ZNF366: variants seen among roughly 807,000 people sequenced by gnomAD.
The protein encoded by ZNF366 is dendritic cell-specific transcript protein.
A neutral mutation model predicts 47.2 loss-of-function variants in ZNF366; 20 were observed. The ratio of observed to expected loss-of-function variants is 0.42; its 90% confidence interval spans 0.30 to 0.62. The LOEUF (loss-of-function observed/expected upper bound fraction) is 0.62, where lower values mean the gene tolerates loss of function less well. Ranked by LOEUF, ZNF366 falls within the 20% of genes least tolerant of loss-of-function variation. The pLI is 0.16. For synonymous variants in ZNF366, 421 were observed against 395.1 expected (o/e 1.07, Z -0.78); for missense variants, 987 against 976.3 (o/e 1.01, Z -0.15).
At chr5:72,475,231 G>A (rs553020484) in intron 1 of ZNF366, among the ~76,000 whole-genome samples, 3 of 152,302 alleles carry the variant, frequency 2.0e-5, no homozygotes, top group Non-Finnish European at 2.9e-5. Context: ...GGACCCAAAA[G>A]TGAGCAGAAA....
In ZNF366 at chr5:72,499,479, C is replaced by CTTTT. The variant is rs894702691; in HGVS notation, c.-15+7768_-15+7771dup. On this transcript the variant is annotated intron_variant, in intron 1 of 4. Transcript: ENST00000318442. ...AATTCTAGCACTTCAGGAATCCTGC[C>CTTTT]TTTTTTTTTTTTTTTTTTTTTTTGA... Among the ~76,000 whole-genome samples the CTTTT allele has an allele frequency of 1.2e-3, 130 of 112,180 alleles. 2 individuals carry two copies. The highest frequency in any genetic ancestry group is 3.8e-3 in the African/African-American group (107 of 28,064). 73.6% of individuals were successfully genotyped at this position (112,180 alleles called of 152,430 possible).
At chr5:72,486,582 A>G (rs1743895801) in intron 1 of ZNF366, among the ~76,000 whole-genome samples, 1 of 152,182 alleles carries the variant, frequency 6.6e-6, no homozygotes, top group African/African-American at 2.4e-5. Flanking sequence ...CTGATCCAAA[A>G]CAGTAGCCAA....
intron 1 of ZNF366, chr5:72,493,715 A>G (rs1744056734): frequency 6.6e-6 from 1 of 152,160 alleles, no homozygotes; most frequent in Admixed American, 6.6e-5. Context: ...TTAGAAAAAT[A>G]CAAAATAAAA....
intron 1 of ZNF366, among the ~76,000 whole-genome samples, chr5:72,487,477 C>A (rs1267723080): frequency 6.6e-6 from 1 of 152,174 alleles, no homozygotes; most frequent in Non-Finnish European, 1.5e-5. Flanking sequence ...TTTCCATATG[C>A]CTTTTAAGGC....
At chr5:72,447,586 G>A (rs970748160) in intron 3 of ZNF366, among the ~76,000 whole-genome samples, 169 bp from the exon 4 acceptor site, 1 of 152,254 alleles carries the variant, frequency 6.6e-6, no homozygotes, top group Admixed American at 6.5e-5. Flanking sequence ...GGTGGAGCAA[G>A]TAGGGGTAGA....
chr5:72,459,357 G>A (rs1235792142), intron 2 of ZNF366, among the ~76,000 whole-genome samples: 1 of 152,126 alleles, frequency 6.6e-6, no homozygotes, highest in South Asian at 2.1e-4. Flanking sequence ...ACTCCCTCTC[G>A]GAGGCTCAGA....
chr5:72,472,776 A>G (rs1235442296), intron 1 of ZNF366, among the ~76,000 whole-genome samples: 1 of 152,132 alleles, frequency 6.6e-6, no homozygotes, highest in East Asian at 1.9e-4. Context: ...GATTTTGGCA[A>G]TGTAAAGTCC....
chr5:72,491,766 G>C (rs1744014986), intron 1 of ZNF366, among the ~76,000 whole-genome samples: 1 of 152,154 alleles, frequency 6.6e-6, no homozygotes, highest in African/African-American at 2.4e-5. Context: ...ACAAGATTAG[G>C]GCTGGGGATC....
Position 72,442,163 on chromosome 5 carries a change from A to G in ZNF366, c.*1593T>C, listed in dbSNP as rs1742866158. The G allele has an allele frequency of 6.6e-6, 1 of 152,250 alleles. No individual in the cohort carries two copies. The highest frequency in any genetic ancestry group is 2.4e-5 in the African/African-American group (1 of 41,464). 9.4% of individuals were successfully genotyped at this position (152,250 alleles called of 1,614,324 possible). On this transcript the variant is annotated 3_prime_UTR_variant, in exon 5 of 5. Transcript: ENST00000318442. ...GTCCGCTCATAAGGCTCTTACAGAC[A>G]GGTAAGAAAGCCTAAGTCAGCAGTA...
chr5:72,460,342 G>C lies in ZNF366; in HGVS notation c.1155C>G (p.Thr385=). The change falls in exon 2 of 5, where the codon ACC becomes ACG. Residue 385 remains threonine, a synonymous_variant. Transcript: ENST00000318442. The part of the protein sequence containing the change: ...PTLAQLKRHL[T]THRGPIQYNC... ...TGTACTGGATGGGGCCCCGGTGCGT[G>C]GTGAGGTGTCTCTTCAGCTGGGCCA... 1 of 1,614,262 alleles carries C rather than the reference G, an allele frequency of 6.2e-7. No homozygotes were observed. The highest frequency in any genetic ancestry group is 8.5e-7 in the Non-Finnish European group (1 of 1,180,052).
chr5:72,469,436 A>G (rs1230693109), intron 1 of ZNF366, among the ~76,000 whole-genome samples: 5 of 152,254 alleles, frequency 3.3e-5, no homozygotes, highest in Non-Finnish European at 7.3e-5. Flanking sequence ...TTTAGAAAAC[A>G]TCTAGCAATA....
chr5:72,507,188 C>A, intron 1 of ZNF366, 63 bp downstream of exon 1: 1 of 982,984 alleles, frequency 1.0e-6, no homozygotes, highest in Non-Finnish European at 1.2e-6. Flanking sequence ...TTGAAGATGC[C>A]CACAGCAGTA....
intron 1 of ZNF366, among the ~76,000 whole-genome samples, chr5:72,481,424 C>A (rs1743788077): frequency 6.6e-6 from 1 of 151,966 alleles, no homozygotes; most frequent in South Asian, 2.1e-4. Context: ...AATATATTTT[C>A]TTTTACAGCA....
chr5:72,500,540 A>G (rs1744195208), intron 1 of ZNF366, among the ~76,000 whole-genome samples: 1 of 152,176 alleles, frequency 6.6e-6, no homozygotes, highest in African/African-American at 2.4e-5. Context: ...ATATGGAGTT[A>G]ACTTCATGGG....
At chr5:72,470,232 A>C (rs530367661) in intron 1 of ZNF366, among the ~76,000 whole-genome samples, 5 of 152,286 alleles carry the variant, frequency 3.3e-5, no homozygotes, top group Non-Finnish European at 7.3e-5. Context: ...TTATTATAAT[A>C]ATCTCCACAC....
chr5:72,460,114 C>A, intron 2 of ZNF366, 51 bp downstream of exon 2: 1 of 1,581,010 alleles, frequency 6.3e-7, no homozygotes, highest in Non-Finnish European at 8.6e-7. Flanking sequence ...TGCTCAGGGC[C>A]CCGCTCCTCT....
At chr5:72,460,140 C>A (rs760608196) in intron 2 of ZNF366, 25 bp downstream of exon 2, 1 of 1,606,594 alleles carries the variant, frequency 6.2e-7, no homozygotes. Context: ...AGGCCCCGTC[C>A]GCCCCACCAG....
intron 1 of ZNF366, among the ~76,000 whole-genome samples, chr5:72,492,587 C>G (rs894919650): frequency 6.6e-6 from 1 of 152,164 alleles, no homozygotes; most frequent in Non-Finnish European, 1.5e-5. Context: ...TCTTCAAAAC[C>G]TCACAAAAAC....
intron 2 of ZNF366, among the ~76,000 whole-genome samples, chr5:72,457,346 C>T (rs971574756): frequency 3.3e-5 from 5 of 152,122 alleles, no homozygotes; most frequent in Admixed American, 6.5e-5. Flanking sequence ...CAGCTTGAGC[C>T]GGGCATTCAC....
Sources: allele counts gnomAD v4.1 joint callset (sites outside exome capture counted in the v4.1 genomes callset), GRCh38; gene constraint gnomAD v4.1.1; transcripts MANE v1.5; gene names NCBI Gene and HGNC (gene_info 2026-07-23, HGNC 2026-07-21).